Variants in NTM observed in about 807,000 individuals in gnomAD.
NTM encodes the protein IgLON family member 2.
NTM carries 13 observed loss-of-function variants against 42.1 expected under a neutral mutation model. That is an observed-to-expected ratio of 0.31 (90% CI 0.20 to 0.49). The LOEUF is 0.49. Among genes scored for constraint, NTM ranks in the 20% least tolerant of loss-of-function variants. The pLI, the probability that NTM is intolerant of heterozygous loss-of-function variation, is 0.99. For missense variants in NTM, 373 were observed against 452.8 expected, an observed-to-expected ratio of 0.82 and a Z score of 1.60; for synonymous variants, 187 against 179.2, an observed-to-expected ratio of 1.04 and a Z score of -0.35.
intron 1 of NTM, among the ~76,000 whole-genome samples, chr11:131,482,165 A>G (rs1293521050): frequency 6.6e-6 from 1 of 152,176 alleles, no homozygotes; most frequent in African/African-American, 2.4e-5. Flanking sequence ...CGTACTCATT[A>G]GAGCTACCTT....
intron 4 of NTM, among the ~76,000 whole-genome samples, chr11:132,232,448 A>G (rs1399432776): frequency 1.6e-4 from 25 of 152,156 alleles, no homozygotes; most frequent in Admixed American, 1.6e-3. Context: ...TCTATGGTCT[A>G]CACTTGGGTG....
intron 1 of NTM, among the ~76,000 whole-genome samples, chr11:131,632,673 C>CTTT (rs529612626): frequency 2.4e-5 from 2 of 83,092 alleles, no homozygotes; most frequent in South Asian, 5.0e-4. Flanking sequence ...GCTCGGGCAG[C>CTTT]TTTTTTTTTT....
intron 1 of NTM, among the ~76,000 whole-genome samples, chr11:131,462,520 G>A (rs1951479960): frequency 1.3e-5 from 2 of 152,236 alleles, no homozygotes; most frequent in Non-Finnish European, 2.9e-5. Context: ...GCACGTTGAA[G>A]TTAGTGAATT....
intron 1 of NTM, among the ~76,000 whole-genome samples, chr11:131,730,971 G>A (rs2079603340): frequency 6.6e-6 from 1 of 152,182 alleles, no homozygotes; most frequent in Admixed American, 6.5e-5. Context: ...TTAGAGGGCT[G>A]TTGCCCAATG....
chr11:132,270,134 A>T (rs1006077052), intron 4 of NTM, among the ~76,000 whole-genome samples: 11 of 152,184 alleles, frequency 7.2e-5, no homozygotes, highest in African/African-American at 2.7e-4. Flanking sequence ...TATATTCTTT[A>T]GAGTAAGGCT....
intron 7 of NTM, among the ~76,000 whole-genome samples, chr11:132,321,010 CCAAAAACCCAT>C (rs1393592416): frequency 6.6e-6 from 1 of 150,544 alleles, no homozygotes; most frequent in Admixed American, 6.6e-5. Context: ...GACATCCACA[CCAAAAACCCAT>C]CTGTACATCA....
chr11:132,154,380 G>T (rs1285776019), intron 3 of NTM, among the ~76,000 whole-genome samples: 11 of 152,152 alleles, frequency 7.2e-5, no homozygotes, highest in Non-Finnish European at 1.0e-4. Flanking sequence ...ATCCCAACTG[G>T]TTCTATGCTT....
intron 1 of NTM, among the ~76,000 whole-genome samples, chr11:131,692,181 T>A (rs1274324156): frequency 1.3e-5 from 2 of 151,354 alleles, no homozygotes; most frequent in African/African-American, 4.9e-5. Flanking sequence ...CAGGATTGAC[T>A]CTGATGCCCC....
At chr11:131,446,731 G>C (rs985474842) in intron 1 of NTM, among the ~76,000 whole-genome samples, 2 of 152,148 alleles carry the variant, frequency 1.3e-5, no homozygotes, top group African/African-American at 4.8e-5. Context: ...GTACACATAT[G>C]TATGGCCATT....
At chr11:131,985,277 C>T (rs998038183) in intron 2 of NTM, among the ~76,000 whole-genome samples, 6 of 152,184 alleles carry the variant, frequency 3.9e-5, no homozygotes, top group African/African-American at 1.2e-4. Context: ...TGCTATTTCA[C>T]AACAAGGGTC....
rs952881026 is a variant in NTM at position 131,511,449 on chromosome 11, C to T, written c.82+140561C>T. Among the ~76,000 whole-genome samples the T allele has an allele frequency of 3.9e-5, 6 of 152,358 alleles. No homozygotes were observed. The South Asian group carries it at 1.2e-3, about 32-fold the overall frequency. ...GGGATTCATGCTATTACCCTGTCAA[C>T]TCCAGCACACCCCCTCATTTCCCTC... On this transcript the variant is annotated intron_variant, in intron 1 of 8. Transcript: ENST00000683400.
At position 131,710,195 on chromosome 11, in the gene NTM, C is replaced by T. The variant is rs116053521; in HGVS notation, c.83-201369C>T. 8.9e-3 allele frequency among the ~76,000 whole-genome samples: 1,352 copies of T among 152,272 alleles called. 23 individuals are homozygous for T. The highest frequency in any genetic ancestry group is 0.027 in the African/African-American group (1,107 of 41,564). On this transcript the variant is annotated intron_variant, in intron 1 of 8. Transcript: ENST00000683400. Reference sequence around the variant, plus strand: ...TCTTTCACCAACTCAGGACAACTCTCAACTCTTTCTATGGCCTCTATCTTC... The same window carrying T: ...TCTTTCACCAACTCAGGACAACTCTTAACTCTTTCTATGGCCTCTATCTTC...
chr11:132,184,274 C>T (rs1467769184), intron 3 of NTM, among the ~76,000 whole-genome samples: 2 of 152,276 alleles, frequency 1.3e-5, no homozygotes, highest in South Asian at 2.1e-4. Context: ...TCTGTTCTCC[C>T]GGGCTGAGGC....
rs1222027285 is a variant in NTM at position 131,681,105 on chromosome 11, CTG to C, written c.83-230450_83-230449del. 2.0e-3 allele frequency among the ~76,000 whole-genome samples: 105 copies of C among 53,688 alleles called. 14 individuals carry two copies. Among genetic ancestry groups the C allele is most frequent in the African/African-American group, 4.7e-3 (94 of 19,950 alleles). The allele number at this position is 53,688 out of a possible 152,430, so 35.2% of individuals were successfully genotyped here. A position where few individuals can be genotyped will look rare whatever the true frequency, so the allele number is the denominator to read the frequency against. The stretch of plus-strand genomic sequence containing the variant: ...TTTCTGTGTCTGTGTGTATGTCTCC[CTG>C]TGTGTGTGAGCGTGTGTGTTTCTGT... On this transcript the variant is annotated intron_variant, in intron 1 of 8. Coordinates refer to ENST00000683400, the MANE Select transcript of NTM (RefSeq NM_001352005.2).
chr11:131,695,033 GCGC>G (rs993008437), intron 1 of NTM, among the ~76,000 whole-genome samples: 5 of 152,260 alleles, frequency 3.3e-5, no homozygotes, highest in African/African-American at 1.2e-4. Context: ...GCTGGGAGGA[GCGC>G]CGCCGCCGCC....
intron 2 of NTM, among the ~76,000 whole-genome samples, chr11:132,094,773 A>C (rs2136454324): frequency 6.6e-6 from 1 of 152,300 alleles, no homozygotes; most frequent in East Asian, 1.9e-4. Flanking sequence ...GGAGGTTAGA[A>C]TGATGAGATG....
intron 4 of NTM, among the ~76,000 whole-genome samples, chr11:132,279,366 A>G (rs891801849): frequency 1.6e-4 from 24 of 152,272 alleles, no homozygotes; most frequent in African/African-American, 5.5e-4. Flanking sequence ...TTCTGCTGCT[A>G]GAGGGCACTG....
chr11:132,304,971 C>T (rs1440405606), intron 4 of NTM, among the ~76,000 whole-genome samples: 4 of 152,098 alleles, frequency 2.6e-5, no homozygotes, highest in African/African-American at 9.7e-5. Flanking sequence ...ATACGCCTTC[C>T]CCAAAACTTG....
At position 131,496,453 on chromosome 11, in the gene NTM, C is replaced by T. The variant is rs372701336; in HGVS notation, c.82+125565C>T. Among the ~76,000 whole-genome samples, 14 of 152,202 alleles carry T rather than the reference C, an allele frequency of 9.2e-5. No individual in the cohort carries two copies. In the East Asian group the frequency reaches 2.7e-3, roughly 29 times the overall value. On this transcript the variant is annotated intron_variant, in intron 1 of 8. Transcript: ENST00000683400. ...ATAGCACTCAGCGTCTTGCTGCAGACAAAGCAGTGGGAAAAATCCCTGGGC... is the reference window on the plus strand; with the variant it reads ...ATAGCACTCAGCGTCTTGCTGCAGATAAAGCAGTGGGAAAAATCCCTGGGC...
Sources: allele counts gnomAD v4.1 joint callset (sites outside exome capture counted in the v4.1 genomes callset), GRCh38; gene constraint gnomAD v4.1.1; transcripts MANE v1.5; gene names NCBI Gene and HGNC (gene_info 2026-07-23, HGNC 2026-07-21).